Variants in RIMS1 observed in about 807,000 individuals in gnomAD.
RIMS1 encodes the protein regulating synaptic membrane exocytosis 1.
Under a neutral mutation model 214.1 loss-of-function variants are expected in RIMS1, and 83 were observed. The observed-to-expected ratio is 0.39, with a 90% confidence interval of 0.32 to 0.47. RIMS1 has a LOEUF of 0.47. Ranked by LOEUF, RIMS1 falls within the 20% of genes least tolerant of loss-of-function variation. The pLI is 0.99. For synonymous variants in RIMS1, 793 were observed against 786.8 expected, an observed-to-expected ratio of 1.01 and a Z score of -0.13; for missense variants, 2,050 against 2,161.8, an observed-to-expected ratio of 0.95 and a Z score of 1.03.
intron 6 of RIMS1, chr6:72,213,291 C>T: frequency 7.9e-7 from 1 of 1,272,972 alleles, no homozygotes; most frequent in Non-Finnish European, 1.1e-6. Context: ...ATTTAACACT[C>T]CCTCTGTATC....
chr6:72,127,649 G>A (rs1693244543), intron 4 of RIMS1, among the ~76,000 whole-genome samples: 1 of 152,118 alleles, frequency 6.6e-6, no homozygotes, highest in African/African-American at 2.4e-5. Context: ...CTTACTTGAA[G>A]CATGGCTATG....
At chr6:71,951,136 T>C (rs1473689939) in intron 1 of RIMS1, among the ~76,000 whole-genome samples, 5 of 152,220 alleles carry the variant, frequency 3.3e-5, no homozygotes, top group African/African-American at 7.2e-5. Flanking sequence ...GTTAAGATGC[T>C]GTTTTTATAC....
chr6:72,250,841 C>A, intron 13 of RIMS1, 80 bp from the exon 14 acceptor site: 2 of 699,086 alleles, frequency 2.9e-6, no homozygotes. Flanking sequence ...ATATAAATAT[C>A]AATGGCAGTT....
intron 2 of RIMS1, among the ~76,000 whole-genome samples, chr6:72,044,649 A>G (rs910865930): frequency 1.3e-5 from 2 of 151,854 alleles, no homozygotes; most frequent in Non-Finnish European, 2.9e-5. Context: ...AATCAAAACC[A>G]CAGCAGCATA....
chr6:72,374,812 A>G (rs1429480096), intron 29 of RIMS1, among the ~76,000 whole-genome samples: 2 of 152,158 alleles, frequency 1.3e-5, no homozygotes, highest in Non-Finnish European at 2.9e-5. Flanking sequence ...TAATTATACA[A>G]CTCACCATAA....
At chr6:72,191,995 C>T (rs2050147167) in intron 6 of RIMS1, among the ~76,000 whole-genome samples, 1 of 152,202 alleles carries the variant, frequency 6.6e-6, no homozygotes, top group Non-Finnish European at 1.5e-5. Context: ...GCTCTACAGG[C>T]TTCCATTTGG....
chr6:72,028,904 A>G (rs1248857082), intron 2 of RIMS1, among the ~76,000 whole-genome samples: 5 of 152,180 alleles, frequency 3.3e-5, no homozygotes, highest in African/African-American at 4.8e-5. Context: ...CCAGTTGGAC[A>G]CTAGCTTTAC....
rs774994151 is a variant in RIMS1 at position 72,288,222 on chromosome 6, TAATAA to T, written c.3555-2440_3555-2436del. Reference sequence around the variant, plus strand: ...CAGGTCACTCTATGACCCTCAGTCATAATAAAATAAAATAAAATAAATAAAATTAA... The same window carrying T: ...CAGGTCACTCTATGACCCTCAGTCATAATAAAATAAAATAAATAAAATTAA... On this transcript the variant is annotated intron_variant, in intron 24 of 33. Transcript: ENST00000521978. Among the ~76,000 whole-genome samples, 16 of 152,054 alleles carry T rather than the reference TAATAA, an allele frequency of 1.1e-4. No homozygotes were observed. In the East Asian group the frequency reaches 2.5e-3, roughly 24 times the overall value.
At chr6:72,247,914 A>G (rs2070973675) in intron 11 of RIMS1, 101 bp from the exon 12 acceptor site, 2 of 754,538 alleles carry the variant, frequency 2.7e-6, no homozygotes, top group East Asian at 5.4e-5. Context: ...GTTATCAGTG[A>G]TAGTAATTAT....
At chr6:72,087,956 T>C (rs1835102186) in intron 2 of RIMS1, among the ~76,000 whole-genome samples, 1 of 152,182 alleles carries the variant, frequency 6.6e-6, no homozygotes, top group South Asian at 2.1e-4. Flanking sequence ...TCGTGCTGGC[T>C]ACTATTTCTG....
At chr6:72,046,878 T>A (rs1211776350) in intron 2 of RIMS1, among the ~76,000 whole-genome samples, 1 of 152,114 alleles carries the variant, frequency 6.6e-6, no homozygotes, top group Non-Finnish European at 1.5e-5. Flanking sequence ...TATAAAAAAC[T>A]ACAATAATAC....
In RIMS1 at chr6:72,265,400, C is replaced by T; in HGVS notation, c.3205C>T (p.Pro1069Ser). ...TTTTAATTTGTGGAGCTCAATTCTGCCTGCACATACTAAGACCAAATCAGT... is the reference window on the plus strand; with the variant it reads ...TTTTAATTTGTGGAGCTCAATTCTGTCTGCACATACTAAGACCAAATCAGT... ...SHWNIYSSIL[P>S]AHTKTKSVTR... Residue 1069 changes from proline to serine, a missense_variant, in exon 21 of 34, where the codon CCT becomes TCT. Physicochemically the swap from Pro to Ser is moderately conservative, Grantham distance 74. This residue lies in a region of RIMS1 where 889 missense variants were observed against 885.5 expected (regional missense o/e 1.00). Transcript: ENST00000521978. 6.3e-7 allele frequency: 1 copy of T among 1,581,206 alleles called. No individual in the cohort carries two copies. The highest frequency in any genetic ancestry group is 8.7e-7 in the Non-Finnish European group (1 of 1,154,886).
chr6:72,007,889 A>G (rs935240601), intron 2 of RIMS1, among the ~76,000 whole-genome samples: 2 of 152,206 alleles, frequency 1.3e-5, no homozygotes, highest in African/African-American at 4.8e-5. Flanking sequence ...ACCAAGTTGG[A>G]AAACACTCTG....
At chr6:72,222,274 A>T (rs2058702255) in intron 6 of RIMS1, among the ~76,000 whole-genome samples, 1 of 151,966 alleles carries the variant, frequency 6.6e-6, no homozygotes, top group South Asian at 2.1e-4. Context: ...AATTCTCTAA[A>T]AAGATAGTTT....
At chr6:71,921,725 CT>C (rs1478841293) in intron 1 of RIMS1, among the ~76,000 whole-genome samples, 11 of 152,160 alleles carry the variant, frequency 7.2e-5, no homozygotes, top group Admixed American at 7.2e-4. Context: ...CATACTTCCT[CT>C]AGTGGGAACC....
intron 6 of RIMS1, among the ~76,000 whole-genome samples, chr6:72,207,553 G>A (rs1049771001): frequency 6.6e-6 from 1 of 152,234 alleles, no homozygotes; most frequent in East Asian, 1.9e-4. Flanking sequence ...GATAAAGAAG[G>A]CACTATTACT....
chr6:72,400,736 C>A lies in RIMS1; in HGVS notation c.*22C>A, dbSNP rs776227665. On this transcript the variant is annotated 3_prime_UTR_variant, in exon 34 of 34. Coordinates refer to ENST00000521978, the MANE Select transcript of RIMS1 (RefSeq NM_014989.7). Reference sequence around the variant, plus strand: ...ATAGTGAACTCATACCAGAGTCATTCCAATAAAACTCTACTTTTCAGGATA... The same window carrying A: ...ATAGTGAACTCATACCAGAGTCATTACAATAAAACTCTACTTTTCAGGATA... The A allele has an allele frequency of 3.3e-6, 5 of 1,518,602 alleles. No individual in the cohort carries two copies. The highest frequency in any genetic ancestry group is 1.8e-6 in the Non-Finnish European group (2 of 1,098,532). The allele number at this position is 1,518,602 out of a possible 1,614,324, so 94.1% of individuals were successfully genotyped here. A position where few individuals can be genotyped will look rare whatever the true frequency, so the allele number is the denominator to read the frequency against.
chr6:72,294,404 A>C (rs2093819639), intron 26 of RIMS1, among the ~76,000 whole-genome samples: 2 of 151,762 alleles, frequency 1.3e-5, no homozygotes, highest in Admixed American at 1.3e-4. Context: ...CCCCTACTGC[A>C]CTTGACTTCC....
intron 2 of RIMS1, among the ~76,000 whole-genome samples, chr6:71,994,478 G>A (rs1802795814): frequency 6.6e-6 from 1 of 152,118 alleles, no homozygotes; most frequent in Non-Finnish European, 1.5e-5. Flanking sequence ...CATGGTATTG[G>A]TATAAGGCAT....
Sources: gnomAD v4.1 joint callset for allele counts (sites outside exome capture counted in the v4.1 genomes callset) on GRCh38, gnomAD v4.1.1 for gene constraint, gnomAD v4.1.1 regional missense constraint, MANE v1.5 for transcripts, NCBI Gene and HGNC (gene_info 2026-07-23, HGNC 2026-07-21) for gene names.